The following CYSTM1 variants were observed in gnomAD, a reference collection of about 807,000 sequenced individuals.
The protein encoded by CYSTM1 is cysteine rich transmembrane module containing 1.
CYSTM1 carries 4 observed loss-of-function variants against 13.1 expected under a neutral mutation model. The observed-to-expected ratio is 0.31, with a 90% CI of 0.15 to 0.70. CYSTM1 has a LOEUF of 0.70. Ranked by LOEUF, CYSTM1 falls within the 30% of genes least tolerant of loss-of-function variation. The probability of loss-of-function intolerance (pLI) is 0.72; values close to 1 mark genes in which losing one functional copy is unlikely to be tolerated. For synonymous variants in CYSTM1, 36 were observed against 42.7 expected, an observed-to-expected ratio of 0.84 and a Z score of 0.62; for missense variants, 96 against 121.6, an observed-to-expected ratio of 0.79 and a Z score of 0.99.
chr5:140,209,951 T>C (rs1355386270), intron 2 of CYSTM1, among the ~76,000 whole-genome samples: 5 of 152,212 alleles, frequency 3.3e-5, no homozygotes, highest in African/African-American at 9.7e-5. Context: ...AGCACTGTTA[T>C]AATACCAGCA....
intron 2 of CYSTM1, among the ~76,000 whole-genome samples, chr5:140,199,779 G>A (rs2126659332): frequency 6.6e-6 from 1 of 152,292 alleles, no homozygotes; most frequent in South Asian, 2.1e-4. Context: ...GAGCCACGGT[G>A]CCCAGCCGTT....
At chr5:140,176,945 T>C (rs1200264020) in intron 1 of CYSTM1, among the ~76,000 whole-genome samples, 2 of 151,556 alleles carry the variant, frequency 1.3e-5, no homozygotes, top group Non-Finnish European at 2.9e-5. Context: ...GGCGGGCGCC[T>C]GTAATCCCAG....
intron 2 of CYSTM1, among the ~76,000 whole-genome samples, chr5:140,194,861 T>C (rs1274249604): frequency 2.0e-5 from 3 of 152,216 alleles, no homozygotes; most frequent in Non-Finnish European, 4.4e-5. Context: ...TTGTCCCCTC[T>C]GGGGCTGATG....
At chr5:140,176,228 G>C (rs1446973822) in intron 1 of CYSTM1, among the ~76,000 whole-genome samples, 1 of 152,090 alleles carries the variant, frequency 6.6e-6, no homozygotes, top group Non-Finnish European at 1.5e-5. Context: ...AAGTTGGTGT[G>C]ACATTCCGGC....
intron 2 of CYSTM1, among the ~76,000 whole-genome samples, chr5:140,213,012 A>ATATATATATATATATATATATATATATAT (rs34804832): frequency 1.2e-5 from 1 of 84,696 alleles, no homozygotes; most frequent in East Asian, 3.1e-4. Flanking sequence ...TATATATATG[A>ATATATATATATATATATATATATATATAT]GAGAGAGAGA....
rs1763876178 is a variant in CYSTM1 at position 140,175,815 on chromosome 5, CG to C, written c.-21+534del. 6.6e-6 allele frequency among the ~76,000 whole-genome samples: 1 copy of C among 152,166 alleles called. No individual in the cohort carries two copies. Among genetic ancestry groups the C allele is most frequent in the African/African-American group, 2.4e-5 (1 of 41,454 alleles). On this transcript the variant is annotated intron_variant, in intron 1 of 2. Transcript: ENST00000261811. The surrounding 1 kb of genome is among the most constrained non-coding windows in gnomAD (Gnocchi z 4.9). Reference sequence around the variant, plus strand: ...GAACGCAAAGCCGGCGCTCGGAGGCCGGGGTGTTCAGAGAAGGCGTTGCGGG... The same window carrying C: ...GAACGCAAAGCCGGCGCTCGGAGGCCGGGTGTTCAGAGAAGGCGTTGCGGG...
rs761426557 is a variant in CYSTM1, at chr5:140,230,881, C to T, written c.188-12424C>T. On this transcript the variant is annotated intron_variant, in intron 2 of 2. Transcript: ENST00000261811. The surrounding 1 kb of genome is among the most constrained non-coding windows in gnomAD (Gnocchi z 4.1). ...TCAGGAATCTGGTGTGATGTGTACC[C>T]TCCTTCCACCAGCACGTGCATAAAC... Among the ~76,000 whole-genome samples, 2 of 152,184 alleles carry T rather than the reference C, an allele frequency of 1.3e-5. No homozygotes were observed. The highest frequency in any genetic ancestry group is 2.4e-5 in the African/African-American group (1 of 41,440).
chr5:140,177,411 T>C (rs1763903890), intron 1 of CYSTM1, among the ~76,000 whole-genome samples: 1 of 152,160 alleles, frequency 6.6e-6, no homozygotes, highest in Admixed American at 6.5e-5. Context: ...TATTTTATAT[T>C]GAAACTTACC....
chr5:140,215,172 G>A (rs1764412153), intron 2 of CYSTM1, among the ~76,000 whole-genome samples: 1 of 152,180 alleles, frequency 6.6e-6, no homozygotes, highest in Non-Finnish European at 1.5e-5. Context: ...TCACTCTCAG[G>A]AGAACTGTCT....
At chr5:140,197,567 CCTCA>C (rs1764172734) in intron 2 of CYSTM1, among the ~76,000 whole-genome samples, 1 of 152,194 alleles carries the variant, frequency 6.6e-6, no homozygotes, top group African/African-American at 2.4e-5. Context: ...AAGAATGTAG[CCTCA>C]CTGAGTGATG....
At chr5:140,205,632 C>G (rs1473883607) in intron 2 of CYSTM1, among the ~76,000 whole-genome samples, 1 of 152,066 alleles carries the variant, frequency 6.6e-6, no homozygotes. Context: ...GTCTGTAGAG[C>G]TGGGATTACG....
rs1763875034 is a variant in CYSTM1 at position 140,175,749 on chromosome 5, G to GGGAGC, written c.-21+473_-21+477dup. On this transcript the variant is annotated intron_variant, in intron 1 of 2. Coordinates refer to ENST00000261811, the MANE Select transcript of CYSTM1 (RefSeq NM_032412.4). The surrounding 1 kb of genome is among the most constrained non-coding windows in gnomAD (Gnocchi z 4.9). ...GGGGCAGGTCGCGAGTCCCGCGGGT[G>GGGAGC]GGAGCGGAGCGGAAGTAACTAGTGA... 6.6e-6 allele frequency among the ~76,000 whole-genome samples: 1 copy of GGGAGC among 152,260 alleles called. No homozygotes were observed. The highest frequency in any genetic ancestry group is 1.5e-5 in the Non-Finnish European group (1 of 68,048).
intron 2 of CYSTM1, among the ~76,000 whole-genome samples, chr5:140,211,773 C>G (rs1764370797): frequency 6.6e-6 from 1 of 152,112 alleles, no homozygotes; most frequent in African/African-American, 2.4e-5. Context: ...ATAGTGAAAC[C>G]CTGTTTCTAC....
chr5:140,243,789 ACTGT>A (rs915415495), downstream of CYSTM1: 61 of 189,754 alleles, frequency 3.2e-4, no homozygotes, highest in African/African-American at 1.4e-3. Context: ...CCAAAGCTCA[ACTGT>A]CTGTCTAAAT....
Position 140,219,620 on chromosome 5 carries a change from C to T in CYSTM1, c.188-23685C>T, listed in dbSNP as rs541760774. Among the ~76,000 whole-genome samples, 7 of 152,244 alleles carry T rather than the reference C, an allele frequency of 4.6e-5. No individual in the cohort carries two copies. In the South Asian group the frequency reaches 6.2e-4, roughly 14 times the overall value. ...GGCAGTAGAAAAAGAAAACAACCTGCGGTGCTTTGCATAAATATATCTCCT... is the reference window on the plus strand; with the variant it reads ...GGCAGTAGAAAAAGAAAACAACCTGTGGTGCTTTGCATAAATATATCTCCT... On this transcript the variant is annotated intron_variant, in intron 2 of 2. Transcript: ENST00000261811. The surrounding 1 kb of genome is among the most constrained non-coding windows in gnomAD (Gnocchi z 4.1).
At chr5:140,240,446 C>G (rs1764734559) in intron 2 of CYSTM1, among the ~76,000 whole-genome samples, 1 of 151,872 alleles carries the variant, frequency 6.6e-6, no homozygotes, top group Non-Finnish European at 1.5e-5. Flanking sequence ...GTGACTCGCA[C>G]TGCCAGCTAA....
chr5:140,222,086 G>C (rs1764498955), intron 2 of CYSTM1, among the ~76,000 whole-genome samples: 1 of 152,178 alleles, frequency 6.6e-6, no homozygotes, highest in African/African-American at 2.4e-5. Context: ...TCTCTTTCCT[G>C]ACCCTAGTTG....
intron 2 of CYSTM1, among the ~76,000 whole-genome samples, chr5:140,214,565 T>C (rs2048732394): frequency 6.6e-6 from 1 of 152,190 alleles, no homozygotes; most frequent in African/African-American, 2.4e-5. Flanking sequence ...TGCTTCATTG[T>C]TCTTAGGCCC....
chr5:140,240,174 C>G (rs1328641485), intron 2 of CYSTM1, among the ~76,000 whole-genome samples: 1 of 151,946 alleles, frequency 6.6e-6, no homozygotes, highest in Non-Finnish European at 1.5e-5. Context: ...ATCCCAGCAC[C>G]CCCCCACTGC....
Sources: gnomAD v4.1 joint callset for allele counts (sites outside exome capture counted in the v4.1 genomes callset) on GRCh38, gnomAD v4.1.1 for gene constraint, Gnocchi (gnomAD v3.1) non-coding constraint, MANE v1.5 for transcripts, NCBI Gene and HGNC (gene_info 2026-07-23, HGNC 2026-07-21) for gene names.